TMED10: variants seen among roughly 807,000 people sequenced by gnomAD.
The protein encoded by TMED10 is transmembrane p24 trafficking protein 10.
Under a neutral mutation model 23.1 loss-of-function variants are expected in TMED10, and 7 were observed. That is an observed-to-expected ratio of 0.30 (90% CI 0.17 to 0.57). The LOEUF (loss-of-function observed/expected upper bound fraction) is 0.57. Ranked by LOEUF, TMED10 falls within the 20% of genes least tolerant of loss-of-function variation. The pLI is 0.91. For missense variants in TMED10, 162 were observed against 274.8 expected (o/e 0.59, Z 2.90); for synonymous variants, 113 against 106.9 (o/e 1.06, Z -0.35).
At position 75,133,171 on chromosome 14, in the gene TMED10, G is replaced by T. The variant is rs1895708288; in HGVS notation, c.*1714C>A. ...AGGAATTAAGTAAGTGACTGGCCATGCAAGGGTTGGAAATTTTACTTATTT... is the reference window on the plus strand; with the variant it reads ...AGGAATTAAGTAAGTGACTGGCCATTCAAGGGTTGGAAATTTTACTTATTT... On this transcript the variant is annotated 3_prime_UTR_variant, in exon 5 of 5. Coordinates refer to ENST00000303575, the MANE Select transcript of TMED10 (RefSeq NM_006827.6). The T allele has an allele frequency of 6.6e-6, 1 of 152,132 alleles. No homozygotes were observed. The highest frequency in any genetic ancestry group is 2.4e-5 in the African/African-American group (1 of 41,420). The allele number at this position is 152,132 out of a possible 1,614,324, so 9.4% of individuals were successfully genotyped here.
intron 1 of TMED10, among the ~76,000 whole-genome samples, chr14:75,159,808 T>C (rs1244897178): frequency 6.6e-6 from 1 of 152,222 alleles, no homozygotes. Flanking sequence ...TACCACATTG[T>C]ACTGAGGAAC....
At chr14:75,146,309 A>G (rs1295803843) in intron 3 of TMED10, among the ~76,000 whole-genome samples, 1 of 152,212 alleles carries the variant, frequency 6.6e-6, no homozygotes, top group Non-Finnish European at 1.5e-5. Flanking sequence ...TTAACCAGTC[A>G]TTTCCAATCT....
chr14:75,136,043 C>T (rs1895745155), intron 3 of TMED10, among the ~76,000 whole-genome samples, 157 bp from the exon 4 acceptor site: 1 of 152,164 alleles, frequency 6.6e-6, no homozygotes, highest in East Asian at 1.9e-4. Context: ...TTCTTTCTTT[C>T]CCTATAGACT....
intron 1 of TMED10, among the ~76,000 whole-genome samples, chr14:75,174,337 G>A (rs1896272768): frequency 6.6e-6 from 1 of 152,150 alleles, no homozygotes; most frequent in South Asian, 2.1e-4. Flanking sequence ...AACAGATCAT[G>A]AAGAGCACAA....
chr14:75,176,375 C>T lies in TMED10; in HGVS notation c.205G>A (p.Gly69Ser). The T allele has an allele frequency of 6.2e-7, 1 of 1,614,218 alleles. No individual in the cohort carries two copies. Among genetic ancestry groups the T allele is most frequent in the South Asian group, 1.1e-5 (1 of 91,088 alleles). The stretch of plus-strand genomic sequence containing the variant: ...CGCACCTTGAGGTGGCTGCGCAGGC[C>T]GCCAGCGCCCCCAGACTGGTCGGAG... Reference protein sequence around the residue: ...EISDQSGGAGGLRSHLKITDS... With the variant: ...EISDQSGGAGSLRSHLKITDS... The change falls in exon 1 of 5, where the codon GGC becomes AGC. Residue 69 changes from glycine to serine, a missense_variant. Gly to Ser is a moderately conservative substitution (Grantham distance 56). Coordinates refer to ENST00000303575, the MANE Select transcript of TMED10 (RefSeq NM_006827.6).
intron 1 of TMED10, among the ~76,000 whole-genome samples, chr14:75,172,724 A>G (rs1461870891): frequency 6.6e-6 from 1 of 152,230 alleles, no homozygotes; most frequent in African/African-American, 2.4e-5. Flanking sequence ...ATTTACTTTA[A>G]TACAATTTAG....
chr14:75,142,565 A>T (rs4903285), intron 3 of TMED10, among the ~76,000 whole-genome samples: 71,214 of 152,026 alleles, frequency 0.47, 17,583 homozygotes, highest in East Asian at 0.84. Flanking sequence ...CCTACAACAC[A>T]TACTGTGTCA....
At chr14:75,146,893 A>C (rs557655447) in intron 3 of TMED10, among the ~76,000 whole-genome samples, 2 of 143,498 alleles carry the variant, frequency 1.4e-5, no homozygotes, top group East Asian at 4.1e-4. Flanking sequence ...ACTAAACAGC[A>C]CTGAATCCAT....
intron 3 of TMED10, 43 bp from the exon 4 acceptor site, chr14:75,135,929 T>C (rs1324936507): frequency 1.2e-6 from 2 of 1,606,826 alleles, no homozygotes; most frequent in Admixed American, 3.4e-5. Flanking sequence ...AAAACATCGC[T>C]TCAGTCAAGA....
At chr14:75,150,098 C>CAA (rs908016320) in intron 2 of TMED10, among the ~76,000 whole-genome samples, 1 of 151,962 alleles carries the variant, frequency 6.6e-6, no homozygotes, top group African/African-American at 2.4e-5. Flanking sequence ...ACTCTTGTTT[C>CAA]ACACACACAC....
chr14:75,172,230 GACA>G (rs1203104996), intron 1 of TMED10, among the ~76,000 whole-genome samples: 1 of 152,050 alleles, frequency 6.6e-6, no homozygotes, highest in Non-Finnish European at 1.5e-5. Context: ...ACTTGAGAGA[GACA>G]ACAAATTAAC....
At chr14:75,164,265 A>C (rs1175344439) in intron 1 of TMED10, among the ~76,000 whole-genome samples, 1 of 115,016 alleles carries the variant, frequency 8.7e-6, no homozygotes, top group African/African-American at 3.5e-5. Context: ...AGAGATTTGC[A>C]CTGTTGCTCA....
At chr14:75,139,635 C>CAA (rs34813747) in intron 3 of TMED10, among the ~76,000 whole-genome samples, 3,294 of 109,148 alleles carry the variant, frequency 0.03, 97 homozygotes, top group African/African-American at 0.091. Context: ...GACTCCGACT[C>CAA]AAAAAAAAAA....
chr14:75,172,968 A>C (rs1350162407), intron 1 of TMED10, among the ~76,000 whole-genome samples: 1 of 152,230 alleles, frequency 6.6e-6, no homozygotes, highest in Admixed American at 6.5e-5. Flanking sequence ...TGGTGAGGAC[A>C]ATGAGATCCA....
intron 3 of TMED10, among the ~76,000 whole-genome samples, chr14:75,137,117 T>A (rs1227584996): frequency 2.0e-5 from 3 of 151,442 alleles, no homozygotes; most frequent in Admixed American, 6.6e-5. Context: ...TTCAAGTGAT[T>A]CTCCTGCCTC....
Position 75,152,213 on chromosome 14 carries a change from A to G in TMED10, c.226-70T>C. On this transcript the variant is annotated intron_variant, in intron 1 of 4. Transcript: ENST00000303575. The stretch of plus-strand genomic sequence containing the variant: ...GGAAGAGAACTTACAGAAACTGGGA[A>G]GATAGAGACACTATCTATGAAAGAC... 4 of 1,218,148 alleles carry G rather than the reference A, an allele frequency of 3.3e-6. No homozygotes were observed. In the South Asian group the frequency reaches 5.1e-5, roughly 15 times the overall value. The allele number at this position is 1,218,148 out of a possible 1,614,324, so 75.5% of individuals were successfully genotyped here.
At chr14:75,141,864 CA>C (rs1159211082) in intron 3 of TMED10, among the ~76,000 whole-genome samples, 1 of 152,140 alleles carries the variant, frequency 6.6e-6, no homozygotes, top group East Asian at 1.9e-4. Flanking sequence ...ATTATTTTTG[CA>C]GGGCAACAGA....
intron 1 of TMED10, among the ~76,000 whole-genome samples, chr14:75,167,275 C>T (rs1408190505): frequency 1.3e-5 from 2 of 152,132 alleles, no homozygotes; most frequent in Admixed American, 1.3e-4. Flanking sequence ...CAGCACAGAA[C>T]AGACCTCAGT....
At chr14:75,153,055 G>A (rs1895974120) in intron 1 of TMED10, among the ~76,000 whole-genome samples, 3 of 152,176 alleles carry the variant, frequency 2.0e-5, no homozygotes, top group Admixed American at 2.0e-4. Context: ...CTGGGAGGCG[G>A]AGGTTGCAGT....
Sources: allele counts gnomAD v4.1 joint callset (sites outside exome capture counted in the v4.1 genomes callset), GRCh38; gene constraint gnomAD v4.1.1; transcripts MANE v1.5; gene names NCBI Gene and HGNC (gene_info 2026-07-23, HGNC 2026-07-21).